The following BMERB1 variants were observed in gnomAD, a reference collection of about 807,000 sequenced individuals.
BMERB1 encodes the protein bMERB domain-containing protein 1.
BMERB1 carries 12 observed loss-of-function variants against 23.6 expected under a neutral mutation model. That is an observed-to-expected ratio of 0.51 (90% CI 0.33 to 0.82). The LOEUF (loss-of-function observed/expected upper bound fraction) is 0.82, where lower values mean the gene tolerates loss of function less well. Ranked by LOEUF, BMERB1 falls within the 40% of genes least tolerant of loss-of-function variation. The probability of loss-of-function intolerance (pLI) is 0.03; values close to 1 mark genes in which losing one functional copy is unlikely to be tolerated. For missense variants in BMERB1, 247 were observed against 255.4 expected, an observed-to-expected ratio of 0.97 and a Z score of 0.22; for synonymous variants, 122 against 96.6, an observed-to-expected ratio of 1.26 and a Z score of -1.54.
At chr16:15,519,606 G>A (rs1265937135) in intron 2 of BMERB1, among the ~76,000 whole-genome samples, 1 of 152,004 alleles carries the variant, frequency 6.6e-6, no homozygotes, top group African/African-American at 2.4e-5. Flanking sequence ...GGCCAGGCTG[G>A]TCTTGAACTC....
intron 2 of BMERB1, among the ~76,000 whole-genome samples, chr16:15,557,601 C>T (rs1029557326): frequency 2.0e-5 from 3 of 152,192 alleles, no homozygotes; most frequent in East Asian, 1.9e-4. Flanking sequence ...CAGCGTCCGA[C>T]GACTAGTGTC....
At chr16:15,581,986 C>T (rs988032067) in intron 4 of BMERB1, among the ~76,000 whole-genome samples, 4 of 152,242 alleles carry the variant, frequency 2.6e-5, no homozygotes, top group Non-Finnish European at 5.9e-5. Context: ...TCTTTATTGT[C>T]TGTGTTCTCA....
chr16:15,516,204 G>C (rs780295250), intron 2 of BMERB1, among the ~76,000 whole-genome samples: 1 of 152,012 alleles, frequency 6.6e-6, no homozygotes, highest in African/African-American at 2.4e-5. Flanking sequence ...CGGGATGATC[G>C]CTTGAGCCCA....
At chr16:15,466,298 T>G (rs1003667854) in intron 1 of BMERB1, among the ~76,000 whole-genome samples, 4 of 152,328 alleles carry the variant, frequency 2.6e-5, no homozygotes, top group Admixed American at 6.5e-5. Flanking sequence ...TAAAGTAGTA[T>G]TTCATTGTTA....
In BMERB1 at chr16:15,537,246, C is replaced by G. The variant is rs138641083; in HGVS notation, c.230+21818C>G. ...AATGACTATTGCTTTCCATTTGTTC[C>G]TGTTTTGGACTTCTAAAAACCAACA... is the stretch of plus-strand genomic sequence containing the variant. On this transcript the variant is annotated intron_variant, in intron 2 of 5. Transcript: ENST00000300006. Among the ~76,000 whole-genome samples, 527 of 152,294 alleles carry G rather than the reference C, an allele frequency of 3.5e-3. 7 individuals carry two copies. Among genetic ancestry groups the G allele is most frequent in the African/African-American group, 0.012 (501 of 41,554 alleles).
Position 15,457,175 on chromosome 16 carries a change from A to T in BMERB1, c.106+22416A>T, listed in dbSNP as rs187816744. Among the ~76,000 whole-genome samples the T allele has an allele frequency of 1.4e-3, 211 of 152,306 alleles. 1 individual carries two copies. Among genetic ancestry groups the T allele is most frequent in the Middle Eastern group, 3.4e-3 (1 of 292 alleles). ...AGAATTGCTGAGTTAAAAGCTTTCAACTAGGTTTAGAATGTGGAAGATACA... is the reference window on the plus strand; with the variant it reads ...AGAATTGCTGAGTTAAAAGCTTTCATCTAGGTTTAGAATGTGGAAGATACA... On this transcript the variant is annotated intron_variant, in intron 1 of 5. Coordinates refer to ENST00000300006, the MANE Select transcript of BMERB1 (RefSeq NM_033201.3).
At chr16:15,548,173 C>T (rs1004343726) in intron 2 of BMERB1, among the ~76,000 whole-genome samples, 6 of 151,974 alleles carry the variant, frequency 3.9e-5, no homozygotes, top group African/African-American at 9.7e-5. Flanking sequence ...TTAGTAGAGA[C>T]GGGATTTCAC....
intron 2 of BMERB1, among the ~76,000 whole-genome samples, chr16:15,528,818 A>G (rs1052780619): frequency 2.6e-5 from 4 of 152,030 alleles, no homozygotes; most frequent in African/African-American, 9.7e-5. Context: ...TCAGGAGGTG[A>G]TTAGGTCATG....
chr16:15,452,321 A>G (rs1178188991), intron 1 of BMERB1, among the ~76,000 whole-genome samples: 3 of 36,472 alleles, frequency 8.2e-5, no homozygotes, highest in African/African-American at 2.8e-4. Context: ...AGGGAGAGAG[A>G]GGGAGGGAGG....
chr16:15,581,460 TGGACAC>T, intron 4 of BMERB1, 129 bp downstream of exon 4: 1 of 652,790 alleles, frequency 1.5e-6, no homozygotes, highest in East Asian at 2.9e-5. Flanking sequence ...CCACAGTCTC[TGGACAC>T]TGAATCCCAA....
intron 1 of BMERB1, among the ~76,000 whole-genome samples, chr16:15,441,146 T>C (rs1403047737): frequency 6.6e-6 from 1 of 152,204 alleles, no homozygotes; most frequent in Non-Finnish European, 1.5e-5. Context: ...ACAAAAAGTC[T>C]GAAATTTATT....
chr16:15,540,624 G>C (rs2052069265), intron 2 of BMERB1, among the ~76,000 whole-genome samples: 1 of 152,226 alleles, frequency 6.6e-6, no homozygotes, highest in Non-Finnish European at 1.5e-5. Flanking sequence ...TTGCTACCCT[G>C]AGCCACACTT....
chr16:15,521,559 C>T (rs915752012), intron 2 of BMERB1, among the ~76,000 whole-genome samples: 1 of 152,302 alleles, frequency 6.6e-6, no homozygotes, highest in East Asian at 1.9e-4. Context: ...AGGTCAAGTT[C>T]ACAGACCAGC....
intron 2 of BMERB1, among the ~76,000 whole-genome samples, chr16:15,532,570 G>A (rs1464745333): frequency 7.8e-5 from 10 of 128,144 alleles, no homozygotes; most frequent in Non-Finnish European, 1.3e-4. Context: ...TTTTGAGACG[G>A]AGTCTCGCTC....
intron 1 of BMERB1, among the ~76,000 whole-genome samples, chr16:15,443,436 G>C (rs374183820): frequency 9.9e-5 from 15 of 151,822 alleles, no homozygotes; most frequent in African/African-American, 3.6e-4. Context: ...CTACTTGGGA[G>C]GCTGAGGTGA....
chr16:15,449,013 A>T (rs1323896759), intron 1 of BMERB1, among the ~76,000 whole-genome samples: 1 of 152,178 alleles, frequency 6.6e-6, no homozygotes, highest in Admixed American at 6.6e-5. Flanking sequence ...AGATGCCAGC[A>T]TAGGTGAGGT....
chr16:15,436,238 T>C (rs935364900), intron 1 of BMERB1, among the ~76,000 whole-genome samples: 11 of 149,718 alleles, frequency 7.3e-5, no homozygotes, highest in Non-Finnish European at 1.5e-4. Flanking sequence ...GTGTGACTAA[T>C]TATACTCTTT....
At chr16:15,564,297 T>A (rs1328857413) in intron 2 of BMERB1, among the ~76,000 whole-genome samples, 2 of 152,236 alleles carry the variant, frequency 1.3e-5, no homozygotes, top group African/African-American at 4.8e-5. Flanking sequence ...TTTTTACATG[T>A]TTTTTTGTGT....
At position 15,559,420 on chromosome 16, in the gene BMERB1, G is replaced by A. The variant is rs118139032; in HGVS notation, c.231-8563G>A. On this transcript the variant is annotated intron_variant, in intron 2 of 5. Transcript: ENST00000300006. ...GAGCCACATGGAGAGGAGACAACACGGTGAAATTGTCAAGAGCAGGAGCTA... is the reference window on the plus strand; with the variant it reads ...GAGCCACATGGAGAGGAGACAACACAGTGAAATTGTCAAGAGCAGGAGCTA... Among the ~76,000 whole-genome samples the A allele has an allele frequency of 5.1e-3, 782 of 152,292 alleles. 16 individuals are homozygous for A. Among genetic ancestry groups the A allele is most frequent in the East Asian group, 0.048 (249 of 5,178 alleles).
Sources: gnomAD v4.1 joint callset for allele counts (sites outside exome capture counted in the v4.1 genomes callset) on GRCh38, gnomAD v4.1.1 for gene constraint, MANE v1.5 for transcripts, NCBI Gene and HGNC (gene_info 2026-07-23, HGNC 2026-07-21) for gene names.